Variants in CPA5 observed in about 807,000 individuals in gnomAD.
The protein encoded by CPA5 is testicular tissue protein Li 32.
In CPA5, 38 loss-of-function variants were observed where a neutral mutation model predicts 52.2. That is an observed-to-expected ratio of 0.73 (90% confidence interval 0.56 to 0.95). The LOEUF is 0.95. Ranked by LOEUF, CPA5 falls within the 40% of genes least tolerant of loss-of-function variation. The pLI is 0.00. For missense variants in CPA5, 519 were observed against 566.7 expected (o/e 0.92, Z 0.86); for synonymous variants, 198 against 213.7 (o/e 0.93, Z 0.64).
downstream of CPA5, among the ~76,000 whole-genome samples, chr7:130,370,975 C>T (rs1470295770): frequency 5.3e-5 from 8 of 152,190 alleles, no homozygotes; most frequent in African/African-American, 1.9e-4. Flanking sequence ...GAGGTGGCTG[C>T]CACAGAGGGA....
At position 130,368,409 on chromosome 7, in the gene CPA5, G is replaced by A; in HGVS notation, c.1124-1G>A. 13 of 1,613,628 alleles carry A rather than the reference G, an allele frequency of 8.1e-6. No homozygotes were observed. The highest frequency in any genetic ancestry group is 1.0e-5 in the Non-Finnish European group (12 of 1,179,812). On this transcript the variant is annotated splice_acceptor_variant, in intron 12 of 12. Coordinates refer to ENST00000474905, the MANE Select transcript of CPA5 (RefSeq NM_080385.5). LOFTEE classifies it high-confidence loss of function. Reference sequence around the variant, plus strand: ...GCACATTTTGGAACTTTTGTTTCTAGATGTGGCCAGTGGGATCACCGTCGA... The same window carrying A: ...GCACATTTTGGAACTTTTGTTTCTAAATGTGGCCAGTGGGATCACCGTCGA...
chr7:130,355,849 C>T (rs1315670297), intron 5 of CPA5, among the ~76,000 whole-genome samples: 1 of 152,178 alleles, frequency 6.6e-6, no homozygotes, highest in Non-Finnish European at 1.5e-5. Context: ...GCTCCCGCAC[C>T]CTCAGACTCC....
downstream of CPA5, among the ~76,000 whole-genome samples, chr7:130,372,502 T>C (rs990615320): frequency 1.3e-5 from 2 of 152,216 alleles, no homozygotes; most frequent in Admixed American, 6.5e-5. Flanking sequence ...ACCCTTGTGA[T>C]CTCTTCTGCT....
At chr7:130,356,314 A>G (rs1795473748) in intron 5 of CPA5, among the ~76,000 whole-genome samples, 1 of 152,108 alleles carries the variant, frequency 6.6e-6, no homozygotes, top group South Asian at 2.1e-4. Flanking sequence ...AAATTAATTC[A>G]CACTGAGGTA....
intron 11 of CPA5, 54 bp downstream of exon 11, chr7:130,367,625 C>T: frequency 1.4e-6 from 2 of 1,476,152 alleles, no homozygotes; most frequent in Non-Finnish European, 1.9e-6. Flanking sequence ...CAGGAAAATC[C>T]ATATCTGTCA....
At chr7:130,369,662 C>T (rs1293756693), downstream of CPA5, among the ~76,000 whole-genome samples, 13 of 151,418 alleles carry the variant, frequency 8.6e-5, no homozygotes, top group Admixed American at 2.0e-4. Flanking sequence ...TGTGTGTGCA[C>T]GTGTGTGCAT....
chr7:130,366,418 C>T (rs555751061), intron 10 of CPA5, among the ~76,000 whole-genome samples: 1 of 152,186 alleles, frequency 6.6e-6, no homozygotes, highest in African/African-American at 2.4e-5. Context: ...CACAGCCCAA[C>T]CCTCCCCTCA....
At chr7:130,347,594 C>A (rs549869926) in intron 3 of CPA5, among the ~76,000 whole-genome samples, 172 bp from the exon 4 acceptor site, 1 of 152,282 alleles carries the variant, frequency 6.6e-6, no homozygotes, top group Non-Finnish European at 1.5e-5. Flanking sequence ...CTCAGAGCTG[C>A]CTGCGAGTCC....
At chr7:130,353,297 G>A (rs905695266) in intron 5 of CPA5, among the ~76,000 whole-genome samples, 5 of 151,842 alleles carry the variant, frequency 3.3e-5, no homozygotes, top group African/African-American at 4.8e-5. Context: ...AATGTCACAC[G>A]CAACTTCCAG....
Position 130,361,118 on chromosome 7 carries a change from A to G in CPA5, c.433-25A>G, listed in dbSNP as rs367989913. 1.1e-5 allele frequency: 16 copies of G among 1,492,252 alleles called. No homozygotes were observed. The African/African-American group carries it at 1.7e-4, about 15-fold the overall frequency. The allele number at this position is 1,492,252 out of a possible 1,614,324, so 92.4% of individuals were successfully genotyped here. ...CATCCCTCTTCCTGCTTAACTGCCA[A>G]TCTTACACACTTCTTTCCTTTCAGA... On this transcript the variant is annotated intron_variant, in intron 6 of 12. Coordinates refer to ENST00000474905, the MANE Select transcript of CPA5 (RefSeq NM_080385.5).
chr7:130,362,389 T>C (rs782768643), intron 7 of CPA5, 49 bp from the exon 8 acceptor site: 2 of 1,353,914 alleles, frequency 1.5e-6, no homozygotes, highest in African/African-American at 1.4e-5. Flanking sequence ...CCAGAGACAG[T>C]AGCTGTCTGA....
intron 5 of CPA5, among the ~76,000 whole-genome samples, chr7:130,354,943 T>G (rs1272835150): frequency 6.6e-6 from 1 of 152,030 alleles, no homozygotes; most frequent in Middle Eastern, 3.2e-3. Flanking sequence ...GGTCTGTGGG[T>G]GAGTGGCAGC....
chr7:130,362,816 A>T, intron 8 of CPA5, 68 bp from the exon 9 acceptor site: 1 of 999,010 alleles, frequency 1.0e-6, no homozygotes, highest in Non-Finnish European at 1.6e-6. Context: ...ACTGGCTGTG[A>T]AAATGTCCTG....
At position 130,363,445 on chromosome 7, in the gene CPA5, C is replaced by T. The variant is rs782523799; in HGVS notation, c.774C>T (p.Ser258=). The change falls in exon 10 of 13, where the codon TCC becomes TCT. Residue 258 remains serine, a synonymous_variant. Transcript: ENST00000474905. Reference sequence around the variant, plus strand: ...ACCGCTTATGGCGGAAGAACAAGTCCATCAGACCTGGAATCTTCTGCATCG... The same window carrying T: ...ACCGCTTATGGCGGAAGAACAAGTCTATCAGACCTGGAATCTTCTGCATCG... ...SMNRLWRKNK[S]IRPGIFCIGV... is the part of the protein sequence containing the mutation. The T allele has an allele frequency of 5.7e-6, 9 of 1,578,514 alleles. No homozygotes were observed. The East Asian group carries it at 1.1e-4, about 20-fold the overall frequency.
At chr7:130,348,818 G>A (rs1377801515) in intron 4 of CPA5, among the ~76,000 whole-genome samples, 4 of 152,200 alleles carry the variant, frequency 2.6e-5, no homozygotes, top group Non-Finnish European at 5.9e-5. Flanking sequence ...GTGTACAGTA[G>A]TCCCTCCTGA....
chr7:130,365,821 G>A (rs1323867217), intron 10 of CPA5, among the ~76,000 whole-genome samples: 4 of 152,260 alleles, frequency 2.6e-5, no homozygotes, highest in Non-Finnish European at 4.4e-5. Context: ...CCCGCTCTGC[G>A]CATCTGTTGC....
rs117785267 is a variant in CPA5 at position 130,367,082 on chromosome 7, C to T, written c.839-290C>T. ...GTGACTCTCCTTGGCGGCTTTCTTCCGCAGTGAGAGAGGGATCCAGGAGGC... is the reference window on the plus strand; with the variant it reads ...GTGACTCTCCTTGGCGGCTTTCTTCTGCAGTGAGAGAGGGATCCAGGAGGC... On this transcript the variant is annotated intron_variant, in intron 10 of 12. Transcript: ENST00000474905. Among the ~76,000 whole-genome samples the T allele has an allele frequency of 3.2e-3, 485 of 152,236 alleles. 1 individual carries two copies. The highest frequency in any genetic ancestry group is 4.9e-3 in the Non-Finnish European group (334 of 68,014).
rs146657612 is a variant in CPA5, at chr7:130,362,104, C to G, written c.535-334C>G. Reference sequence around the variant, plus strand: ...AACCTCAGACCCCTCCCCAGACCTACTAAGTCAGAATCTGCACTGGAATAA... The same window carrying G: ...AACCTCAGACCCCTCCCCAGACCTAGTAAGTCAGAATCTGCACTGGAATAA... On this transcript the variant is annotated intron_variant, in intron 7 of 12. Transcript: ENST00000474905. Among the ~76,000 whole-genome samples, 186 of 152,280 alleles carry G rather than the reference C, an allele frequency of 1.2e-3. 1 individual carries two copies. Among genetic ancestry groups the G allele is most frequent in the Non-Finnish European group, 1.6e-3 (109 of 68,022 alleles).
chr7:130,367,842 G>T (rs1289275472), intron 11 of CPA5, 64 bp from the exon 12 acceptor site: 1 of 1,364,270 alleles, frequency 7.3e-7, no homozygotes, highest in Non-Finnish European at 1.0e-6. Flanking sequence ...GCTGGTGAGG[G>T]TGGGGGAGTG....
Sources: allele counts gnomAD v4.1 joint callset (sites outside exome capture counted in the v4.1 genomes callset), GRCh38; gene constraint gnomAD v4.1.1; transcripts MANE v1.5; gene names NCBI Gene and HGNC (gene_info 2026-07-23, HGNC 2026-07-21).